RECK: variants seen among roughly 807,000 people sequenced by gnomAD.
RECK encodes reversion inducing cysteine rich protein with kazal motifs.
In RECK, 69 loss-of-function variants were observed where a neutral mutation model predicts 115.1. That is an observed-to-expected ratio of 0.60 (90% confidence interval 0.49 to 0.73). The LOEUF (loss-of-function observed/expected upper bound fraction) is 0.73, where lower values mean the gene tolerates loss of function less well. RECK is among the 30% of genes least tolerant of loss of function. The pLI is 0.00. For synonymous variants in RECK, 414 were observed against 419.7 expected (o/e 0.99, Z 0.17); for missense variants, 1,047 against 1,203.7 (o/e 0.87, Z 1.93).
chr9:36,075,298 G>T (rs980054278), intron 6 of RECK, among the ~76,000 whole-genome samples: 13 of 152,240 alleles, frequency 8.5e-5, no homozygotes, highest in Non-Finnish European at 1.5e-4. Context: ...TCTAGACCTT[G>T]TGTTTCTCTG....
At chr9:36,097,832 T>C (rs1196762700) in intron 10 of RECK, among the ~76,000 whole-genome samples, 6 of 152,234 alleles carry the variant, frequency 3.9e-5, no homozygotes, top group African/African-American at 1.4e-4. Flanking sequence ...ATATACACTG[T>C]GGAATCCTAT....
intron 13 of RECK, among the ~76,000 whole-genome samples, chr9:36,107,639 T>C (rs1823877169): frequency 6.6e-6 from 1 of 151,796 alleles, no homozygotes; most frequent in African/African-American, 2.4e-5. Flanking sequence ...TTAGTTTCCC[T>C]ATTCTATTTT....
intron 1 of RECK, among the ~76,000 whole-genome samples, chr9:36,039,088 A>G (rs1171549154): frequency 1.3e-5 from 2 of 152,200 alleles, no homozygotes; most frequent in African/African-American, 4.8e-5. Flanking sequence ...ACTTCAGAAA[A>G]TGCTGGGTTA....
At chr9:36,056,135 T>C (rs1821512901) in intron 2 of RECK, among the ~76,000 whole-genome samples, 1 of 152,076 alleles carries the variant, frequency 6.6e-6, no homozygotes, top group Admixed American at 6.6e-5. Context: ...TTAAATCTCC[T>C]TTTACTTTCC....
intron 6 of RECK, among the ~76,000 whole-genome samples, chr9:36,073,501 A>G (rs916612858): frequency 1.3e-5 from 2 of 152,166 alleles, no homozygotes; most frequent in African/African-American, 4.8e-5. Context: ...GCCTTAGCTT[A>G]GGTCTTTCTG....
rs1460931242 is a variant in RECK at position 36,124,428 on chromosome 9, T to G, written c.*1383T>G. 3 of 152,614 alleles carry G rather than the reference T, an allele frequency of 2.0e-5. No individual in the cohort carries two copies. The highest frequency in any genetic ancestry group is 7.2e-5 in the African/African-American group (3 of 41,446). The allele number at this position is 152,614 out of a possible 1,614,324, so 9.5% of individuals were successfully genotyped here. On this transcript the variant is annotated 3_prime_UTR_variant, in exon 21 of 21. Transcript: ENST00000377966. Reference sequence around the variant, plus strand: ...GCAATATACTGGAAAGCTTTTCTATTTTAATAAAAATAATTTTTATATGAT... The same window carrying G: ...GCAATATACTGGAAAGCTTTTCTATGTTAATAAAAATAATTTTTATATGAT...
intron 5 of RECK, among the ~76,000 whole-genome samples, 163 bp downstream of exon 5, chr9:36,064,043 T>A (rs990936024): frequency 6.6e-6 from 1 of 152,246 alleles, no homozygotes; most frequent in Non-Finnish European, 1.5e-5. Context: ...GACTTGCTGT[T>A]TTTTTATTTA....
chr9:36,040,102 G>A (rs1046518987), intron 1 of RECK, among the ~76,000 whole-genome samples: 2 of 152,246 alleles, frequency 1.3e-5, no homozygotes, highest in African/African-American at 4.8e-5. Context: ...AATACTATAT[G>A]AGTACTTATT....
At chr9:36,096,547 A>AAAAAT (rs944998281) in intron 10 of RECK, among the ~76,000 whole-genome samples, 264 of 152,214 alleles carry the variant, frequency 1.7e-3, no homozygotes, top group Non-Finnish European at 3.2e-3. Flanking sequence ...CAAAAAAAGA[A>AAAAAT]AAAATAAAAT....
chr9:36,046,606 T>C (rs1821081398), intron 1 of RECK, among the ~76,000 whole-genome samples: 1 of 152,098 alleles, frequency 6.6e-6, no homozygotes, highest in South Asian at 2.1e-4. Flanking sequence ...AGAAGAACAT[T>C]TGGTTGGGAG....
chr9:36,043,599 CAATGT>C (rs1257690498), intron 1 of RECK, among the ~76,000 whole-genome samples: 8 of 151,990 alleles, frequency 5.3e-5, no homozygotes, highest in Non-Finnish European at 7.4e-5. Flanking sequence ...TTGCCTAATT[CAATGT>C]CTAGGTGGGT....
intron 3 of RECK, among the ~76,000 whole-genome samples, chr9:36,059,113 A>G (rs1287207873): frequency 6.6e-6 from 1 of 152,224 alleles, no homozygotes. Context: ...ATATAAATCT[A>G]AAAACAATCT....
intron 9 of RECK, among the ~76,000 whole-genome samples, chr9:36,090,179 A>G (rs1176976579): frequency 6.6e-6 from 1 of 152,102 alleles, no homozygotes; most frequent in East Asian, 1.9e-4. Context: ...AAAAAGAAAG[A>G]AAGTTAAGGA....
intron 9 of RECK, 23 bp from the exon 10 acceptor site, chr9:36,091,141 C>T (rs751642879): frequency 4.3e-6 from 7 of 1,612,306 alleles, no homozygotes; most frequent in East Asian, 2.2e-5. Context: ...ATGTCGGCTT[C>T]TGCATTTGTG....
chr9:36,070,874 A>G (rs1028107420), intron 6 of RECK, among the ~76,000 whole-genome samples: 3 of 152,222 alleles, frequency 2.0e-5, no homozygotes, highest in African/African-American at 7.2e-5. Flanking sequence ...CATTAGCTTG[A>G]TAACTCCTTT....
chr9:36,074,454 A>T (rs1203125396), intron 6 of RECK, among the ~76,000 whole-genome samples: 6 of 152,212 alleles, frequency 3.9e-5, no homozygotes, highest in Admixed American at 6.5e-5. Flanking sequence ...CAAATAGTCC[A>T]TTACAATACA....
intron 9 of RECK, among the ~76,000 whole-genome samples, chr9:36,089,931 C>T (rs978297502): frequency 6.6e-6 from 1 of 151,334 alleles, no homozygotes; most frequent in Non-Finnish European, 1.5e-5. Flanking sequence ...CCAGACCAGC[C>T]TGGTCAACAT....
Position 36,118,649 on chromosome 9 carries a change from C to A in RECK, c.2254-108C>A, listed in dbSNP as rs1824351624. The A allele has an allele frequency of 2.9e-6, 3 of 1,049,598 alleles. No homozygotes were observed. In the African/African-American group the frequency reaches 4.7e-5, roughly 17 times the overall value. 65.0% of individuals were successfully genotyped at this position (1,049,598 alleles called of 1,614,324 possible). On this transcript the variant is annotated intron_variant, in intron 17 of 20. Coordinates refer to ENST00000377966, the MANE Select transcript of RECK (RefSeq NM_021111.3). ...ACTTAAGAGGTCCTCATAATTTATA[C>A]CTGTGTCTTTTTTCCTTCCTGAAAA...
At chr9:36,096,249 T>G (rs1189959024) in intron 10 of RECK, among the ~76,000 whole-genome samples, 1 of 145,404 alleles carries the variant, frequency 6.9e-6, no homozygotes, top group African/African-American at 2.5e-5. Flanking sequence ...AAAAAAAATT[T>G]TAAAAGGCTG....
Sources: allele counts gnomAD v4.1 joint callset (sites outside exome capture counted in the v4.1 genomes callset), GRCh38; gene constraint gnomAD v4.1.1; transcripts MANE v1.5; gene names NCBI Gene and HGNC (gene_info 2026-07-23, HGNC 2026-07-21).